Variants in GRK5 observed in about 807,000 individuals in gnomAD.
GRK5 encodes G protein-coupled receptor kinase 5.
A neutral mutation model predicts 78.4 loss-of-function variants in GRK5; 40 were observed. The ratio of observed to expected loss-of-function variants is 0.51; its 90% CI spans 0.40 to 0.66. The LOEUF (loss-of-function observed/expected upper bound fraction) is 0.66. Ranked by LOEUF, GRK5 falls within the 30% of genes least tolerant of loss-of-function variation. The pLI, the probability that GRK5 is intolerant of heterozygous loss-of-function variation, is 0.00. For missense variants in GRK5, 598 were observed against 759.9 expected, an observed-to-expected ratio of 0.79 and a Z score of 2.50; for synonymous variants, 289 against 296.8, an observed-to-expected ratio of 0.97 and a Z score of 0.27.
chr10:119,448,853 A>G (rs971427035), intron 13 of GRK5, among the ~76,000 whole-genome samples: 3 of 152,180 alleles, frequency 2.0e-5, no homozygotes, highest in African/African-American at 7.2e-5. Context: ...AAAGTCCCCT[A>G]CATGGTCTAT....
intron 1 of GRK5, among the ~76,000 whole-genome samples, chr10:119,214,324 T>G (rs575587431): frequency 6.6e-6 from 1 of 152,272 alleles, no homozygotes; most frequent in African/African-American, 2.4e-5. Flanking sequence ...GAACTGGATT[T>G]TTTTCCCCGA....
chr10:119,422,016 G>A (rs1391079647), intron 4 of GRK5, among the ~76,000 whole-genome samples: 1 of 152,198 alleles, frequency 6.6e-6, no homozygotes, highest in African/African-American at 2.4e-5. Flanking sequence ...ATAGGGAAGA[G>A]GAGGCAAGGC....
intron 1 of GRK5, among the ~76,000 whole-genome samples, chr10:119,269,173 A>G (rs1035559114): frequency 2.0e-5 from 3 of 152,196 alleles, no homozygotes; most frequent in Non-Finnish European, 2.9e-5. Flanking sequence ...TTTCTAAACA[A>G]AGAGGGACTT....
intron 3 of GRK5, among the ~76,000 whole-genome samples, chr10:119,385,390 A>C (rs889022240): frequency 5.3e-5 from 8 of 152,032 alleles, no homozygotes; most frequent in Non-Finnish European, 1.0e-4. Context: ...TTGGCCTCCT[A>C]AGTAGCTGCA....
intron 2 of GRK5, among the ~76,000 whole-genome samples, chr10:119,350,011 C>CG (rs986444422): frequency 6.6e-6 from 1 of 152,214 alleles, no homozygotes; most frequent in African/African-American, 2.4e-5. Flanking sequence ...GAAATTGCCT[C>CG]GGTCACCCAC....
In GRK5 at chr10:119,207,885, C is replaced by G. The variant is rs1418567285; in HGVS notation, c.-33C>G. The G allele has an allele frequency of 6.3e-7, 1 of 1,580,018 alleles. No homozygotes were observed. Among genetic ancestry groups the G allele is most frequent in the African/African-American group, 1.4e-5 (1 of 72,076 alleles). ...AGCACCCCAGGCGCTGACAGCCCCG[C>G]CGGCCGGCTCCGTTGCTGACCGCCG... On this transcript the variant is annotated 5_prime_UTR_variant, in exon 1 of 16. Transcript: ENST00000392870.
chr10:119,377,447 G>GT (rs1279528139), intron 2 of GRK5, among the ~76,000 whole-genome samples: 2 of 152,152 alleles, frequency 1.3e-5, no homozygotes, highest in Non-Finnish European at 2.9e-5. Flanking sequence ...GGATGATTTT[G>GT]TTTTTGTGTG....
intron 2 of GRK5, among the ~76,000 whole-genome samples, chr10:119,350,260 G>C (rs1033042912): frequency 1.3e-5 from 2 of 152,248 alleles, no homozygotes; most frequent in African/African-American, 4.8e-5. Flanking sequence ...GCCTACACCT[G>C]TCTTATTTTT....
chr10:119,318,061 G>A (rs752312537), intron 1 of GRK5, among the ~76,000 whole-genome samples: 2 of 152,050 alleles, frequency 1.3e-5, no homozygotes, highest in African/African-American at 2.4e-5. Flanking sequence ...AAGGACCACC[G>A]AGAACCACTG....
At chr10:119,227,003 C>T (rs906318233) in intron 1 of GRK5, among the ~76,000 whole-genome samples, 6 of 152,092 alleles carry the variant, frequency 3.9e-5, no homozygotes, top group Admixed American at 2.0e-4. Flanking sequence ...GGATTATATG[C>T]GCCCGCCAGC....
At chr10:119,242,876 CTG>C (rs1330740845) in intron 1 of GRK5, among the ~76,000 whole-genome samples, 3 of 151,982 alleles carry the variant, frequency 2.0e-5, no homozygotes, top group South Asian at 2.1e-4. Flanking sequence ...CCATGCTGAA[CTG>C]TGAGTCAATT....
At chr10:119,433,084 C>A (rs956445323) in intron 8 of GRK5, among the ~76,000 whole-genome samples, 7 of 152,104 alleles carry the variant, frequency 4.6e-5, no homozygotes, top group African/African-American at 1.7e-4. Context: ...CAAAACAAAA[C>A]AAACAAACAA....
Position 119,400,530 on chromosome 10 carries a change from T to A in GRK5, c.339+3758T>A, listed in dbSNP as rs528138018. ...TGGCAGCTTCCTACCCAGAGTTACCTGGGGGCAAAATGTCAATAGGGCTGA... is the reference window on the plus strand; with the variant it reads ...TGGCAGCTTCCTACCCAGAGTTACCAGGGGGCAAAATGTCAATAGGGCTGA... On this transcript the variant is annotated intron_variant, in intron 4 of 15. Coordinates refer to ENST00000392870, the MANE Select transcript of GRK5 (RefSeq NM_005308.3). Among the ~76,000 whole-genome samples, 22 of 151,388 alleles carry A rather than the reference T, an allele frequency of 1.5e-4. No homozygotes were observed. In the South Asian group the frequency reaches 4.2e-3, roughly 29 times the overall value.
At chr10:119,441,881 G>A in intron 10 of GRK5, 118 bp from the exon 11 acceptor site, 1 of 745,038 alleles carries the variant, frequency 1.3e-6, no homozygotes, top group South Asian at 1.6e-5. Flanking sequence ...TGGGGTCCCT[G>A]TTGTCCTTGG....
At chr10:119,372,954 T>C (rs1323791398) in intron 2 of GRK5, among the ~76,000 whole-genome samples, 5 of 152,200 alleles carry the variant, frequency 3.3e-5, no homozygotes, top group Non-Finnish European at 7.3e-5. Context: ...TCTAGAGCAG[T>C]TCAAAGTGTG....
chr10:119,437,986 T>C (rs563302811), intron 9 of GRK5, among the ~76,000 whole-genome samples: 27 of 152,290 alleles, frequency 1.8e-4, no homozygotes, highest in African/African-American at 6.3e-4. Flanking sequence ...TAGTCCCAGA[T>C]ACTTGGGAGG....
At chr10:119,210,688 A>T (rs1439884757) in intron 1 of GRK5, among the ~76,000 whole-genome samples, 1 of 152,268 alleles carries the variant, frequency 6.6e-6, no homozygotes, top group Non-Finnish European at 1.5e-5. Flanking sequence ...ATAATTGGCA[A>T]ATGTGAAATT....
Position 119,326,521 on chromosome 10 carries a change from G to A in GRK5, c.58G>A (p.Gly20Arg), listed in dbSNP as rs148368301. Residue 20 changes from glycine (G) to arginine (R), a missense_variant, in exon 2 of 16, where the codon GGA (glycine) becomes AGA (arginine). Gly to Arg is a moderately radical substitution (Grantham distance 125). Coordinates refer to ENST00000392870, the MANE Select transcript of GRK5 (RefSeq NM_005308.3). ...TVLLKAREGG[G>R]GKRKGKSKKW... ...CTTTTTCCCCATCTCTGCAGGGGGC[G>A]GAGGAAAGCGCAAAGGGAAAAGCAA... is the stretch of plus-strand genomic sequence containing the variant. The A allele has an allele frequency of 7.6e-5, 123 of 1,613,786 alleles. No individual in the cohort carries two copies. Among genetic ancestry groups the A allele is most frequent in the Non-Finnish European group, 9.2e-5 (108 of 1,179,816 alleles).
intron 1 of GRK5, among the ~76,000 whole-genome samples, chr10:119,215,153 G>A (rs746949291): frequency 2.3e-4 from 35 of 152,224 alleles, no homozygotes; most frequent in Non-Finnish European, 1.0e-4. Context: ...GCCACTAGCT[G>A]TATGTTGTTA....
Sources: allele counts gnomAD v4.1 joint callset (sites outside exome capture counted in the v4.1 genomes callset), GRCh38; gene constraint gnomAD v4.1.1; transcripts MANE v1.5; gene names NCBI Gene and HGNC (gene_info 2026-07-23, HGNC 2026-07-21).